YWHAZ: variants seen among roughly 807,000 people sequenced by gnomAD.
The protein encoded by YWHAZ is 14-3-3 protein zeta/delta.
For missense variants in YWHAZ, 79 were observed against 284.8 expected (o/e 0.28, Z 5.20); for synonymous variants, 87 against 103.6 (o/e 0.84, Z 0.97).
At position 100,917,936 on chromosome 8, in the gene YWHAZ, A is replaced by G. The variant is rs1171272701; in HGVS notation, c.*2757T>C. ...TATTGGGAACTACTATGTAGAAAAC[A>G]TTAGTTAATACTAGTGAAGTGTTTT... On this transcript the variant is annotated 3_prime_UTR_variant, in exon 6 of 6. Coordinates refer to ENST00000395958, the MANE Select transcript of YWHAZ (RefSeq NM_145690.3). 3 of 152,236 alleles carry G rather than the reference A, an allele frequency of 2.0e-5. No individual in the cohort carries two copies. Among genetic ancestry groups the G allele is most frequent in the East Asian group, 3.8e-4 (2 of 5,200 alleles). The allele number at this position is 152,236 out of a possible 1,614,324, so 9.4% of individuals were successfully genotyped here.
At chr8:100,951,359 G>C in intron 1 of YWHAZ, 2 of 984,688 alleles carry the variant, frequency 2.0e-6, no homozygotes, top group African/African-American at 3.5e-5. Flanking sequence ...GGGTGGGGGA[G>C]GGCCGGGTCC....
At chr8:100,920,795 TGGGG>T (rs371689979) in intron 5 of YWHAZ, 43 bp from the exon 6 acceptor site, 14 of 88,740 alleles carry the variant, frequency 1.6e-4, no homozygotes, top group Non-Finnish European at 2.2e-4. Context: ...TTCAGTGGGA[TGGGG>T]GGGGGGGGGC....
chr8:100,953,326 G>T, upstream of YWHAZ: 3 of 985,584 alleles, frequency 3.0e-6, no homozygotes, highest in Non-Finnish European at 3.6e-6. Context: ...GGTTCCAGCT[G>T]GCGGTGGGAG....
chr8:100,942,546 A>G (rs964405333), intron 2 of YWHAZ, among the ~76,000 whole-genome samples: 1 of 152,258 alleles, frequency 6.6e-6, no homozygotes, highest in African/African-American at 2.4e-5. Context: ...CCTTCAGTGT[A>G]CTTTACAAAT....
At chr8:100,921,114 CCCT>C (rs1354300448) in intron 5 of YWHAZ, among the ~76,000 whole-genome samples, 1 of 151,956 alleles carries the variant, frequency 6.6e-6, no homozygotes, top group Non-Finnish European at 1.5e-5. Context: ...GCTCAATGAA[CCCT>C]CCGCCTCCCA....
Position 100,950,525 on chromosome 8 carries a change from C to A in YWHAZ, c.-12+1404G>T, listed in dbSNP as rs953995241. ...CCAGGCTCCGCCCAAGTCGGAGCCACGGCTCAAGTCCCCGACTCTCCTCCT... is the reference window on the plus strand; with the variant it reads ...CCAGGCTCCGCCCAAGTCGGAGCCAAGGCTCAAGTCCCCGACTCTCCTCCT... On this transcript the variant is annotated intron_variant, in intron 1 of 5. Transcript: ENST00000395958. 36 of 985,638 alleles carry A rather than the reference C, an allele frequency of 3.7e-5. No homozygotes were observed. The African/African-American group carries it at 4.7e-4, about 13-fold the overall frequency. The allele number at this position is 985,638 out of a possible 1,614,324, so 61.1% of individuals were successfully genotyped here.
Position 100,948,171 on chromosome 8 carries a change from C to T in YWHAZ, c.294+425G>A, listed in dbSNP as rs1810447733. The T allele has an allele frequency of 1.3e-6, 2 of 1,523,720 alleles. No homozygotes were observed. The highest frequency in any genetic ancestry group is 1.8e-6 in the Non-Finnish European group (2 of 1,140,830). 94.4% of individuals were successfully genotyped at this position (1,523,720 alleles called of 1,614,324 possible). On this transcript the variant is annotated intron_variant, in intron 2 of 5. Coordinates refer to ENST00000395958, the MANE Select transcript of YWHAZ (RefSeq NM_145690.3). This position sits in a 1 kb window ranked among gnomAD's most constrained non-coding sequence, Gnocchi z 4.2. Reference sequence around the variant, plus strand: ...TACATTAACATTATAGCGGCTAATCCTGAGAAGAGTACTATTTCTACAATG... The same window carrying T: ...TACATTAACATTATAGCGGCTAATCTTGAGAAGAGTACTATTTCTACAATG...
At chr8:100,929,852 G>C (rs1813639666) in intron 2 of YWHAZ, among the ~76,000 whole-genome samples, 1 of 152,122 alleles carries the variant, frequency 6.6e-6, no homozygotes, top group Non-Finnish European at 1.5e-5. Context: ...GGAAGCAGCA[G>C]TTACAACAAA....
rs1813235134 is a variant in YWHAZ at position 100,924,598 on chromosome 8, C to G, written c.419-300G>C. On this transcript the variant is annotated intron_variant, in intron 3 of 5. Coordinates refer to ENST00000395958, the MANE Select transcript of YWHAZ (RefSeq NM_145690.3). This position sits in a 1 kb window ranked among gnomAD's most constrained non-coding sequence, Gnocchi z 5.7. The stretch of plus-strand genomic sequence containing the variant: ...CCTCCCACCTCAGCCTCCAGATTAG[C>G]TGGGACCAAAGGCTTGCACCACCAT... Among the ~76,000 whole-genome samples the G allele has an allele frequency of 6.6e-6, 1 of 152,168 alleles. No individual in the cohort carries two copies. The highest frequency in any genetic ancestry group is 6.5e-5 in the Admixed American group (1 of 15,270).
chr8:100,951,725 G>A (rs1810803119), intron 1 of YWHAZ: 2 of 985,334 alleles, frequency 2.0e-6, no homozygotes, highest in East Asian at 1.1e-4. Context: ...CGGAAGCAAG[G>A]AGCCGGAGGC....
At chr8:100,946,264 C>T (rs1810256793) in intron 2 of YWHAZ, among the ~76,000 whole-genome samples, 1 of 152,166 alleles carries the variant, frequency 6.6e-6, no homozygotes, top group Admixed American at 6.5e-5. Flanking sequence ...TTGGGCTGGA[C>T]GTGGTGGCTC....
In YWHAZ at chr8:100,924,018, T is replaced by G. The variant is rs763376957; in HGVS notation, c.615A>C (p.Thr205=). ...TGTCTTTGTATGACTCTTCACTTAATGTATCAAGTTCAGCAATGGCTTCAT... is the reference window on the plus strand; with the variant it reads ...TGTCTTTGTATGACTCTTCACTTAAGGTATCAAGTTCAGCAATGGCTTCAT... ...AFDEAIAELD[T]LSEESYKDST... is the part of the protein sequence containing the mutation. Residue 205 remains threonine, a synonymous_variant, in exon 5 of 6, where the codon ACA becomes ACC. Transcript: ENST00000395958. The surrounding 1 kb of genome is among the most constrained non-coding windows in gnomAD (Gnocchi z 5.7). 18 of 1,611,900 alleles carry G rather than the reference T, an allele frequency of 1.1e-5. No homozygotes were observed. In the East Asian group the frequency reaches 1.6e-4, roughly 14 times the overall value.
chr8:100,939,630 G>A (rs1376866716), intron 2 of YWHAZ, among the ~76,000 whole-genome samples: 1 of 151,956 alleles, frequency 6.6e-6, no homozygotes, highest in East Asian at 1.9e-4. Context: ...TTGCACTCCA[G>A]CCTGGGCAAC....
At chr8:100,935,120 G>T (rs1814053077) in intron 2 of YWHAZ, 2 of 152,140 alleles carry the variant, frequency 1.3e-5, no homozygotes, top group African/African-American at 4.8e-5. Flanking sequence ...TTGTGCCACT[G>T]CACTCCAATG....
intron 2 of YWHAZ, among the ~76,000 whole-genome samples, chr8:100,941,494 A>C (rs1031010000): frequency 6.6e-5 from 10 of 152,152 alleles, no homozygotes; most frequent in African/African-American, 2.4e-4. Flanking sequence ...CCACTAAAAA[A>C]CATTTCTAGG....
chr8:100,948,578 G>C lies in YWHAZ; in HGVS notation c.294+18C>G, dbSNP rs762759587. 14 of 1,608,206 alleles carry C rather than the reference G, an allele frequency of 8.7e-6. No individual in the cohort carries two copies. The highest frequency in any genetic ancestry group is 1.1e-5 in the Non-Finnish European group (13 of 1,177,800). On this transcript the variant is annotated intron_variant, in intron 2 of 5. Transcript: ENST00000395958. This position sits in a 1 kb window ranked among gnomAD's most constrained non-coding sequence, Gnocchi z 4.2. ...GGGACCCTACAGTATAATGAAGCCA[G>C]ACTGAATTGATTCTCACCAGTACAT...
chr8:100,924,839 A>T lies in YWHAZ; in HGVS notation c.418+77T>A. On this transcript the variant is annotated intron_variant, in intron 3 of 5. Transcript: ENST00000395958. This position sits in a 1 kb window ranked among gnomAD's most constrained non-coding sequence, Gnocchi z 5.7. ...CACTCTAAGCAATTCAAAACAAGAC[A>T]TTATGTACGCTTCAGAGACTCTTCC... 6.3e-7 allele frequency: 1 copy of T among 1,581,120 alleles called. No homozygotes were observed. The highest frequency in any genetic ancestry group is 8.6e-7 in the Non-Finnish European group (1 of 1,161,774).
Position 100,948,971 on chromosome 8 carries a change from G to T in YWHAZ, c.-11-71C>A. On this transcript the variant is annotated intron_variant, in intron 1 of 5. Transcript: ENST00000395958. This position sits in a 1 kb window ranked among gnomAD's most constrained non-coding sequence, Gnocchi z 4.2. ...TAAACAGACTCAAAATTATACCTGT[G>T]GTAAATGAGTTTTTTAAACCTGAAA... 6.7e-7 allele frequency: 1 copy of T among 1,485,742 alleles called. No individual in the cohort carries two copies. Among genetic ancestry groups the T allele is most frequent in the Non-Finnish European group, 8.9e-7 (1 of 1,119,528 alleles). The allele number at this position is 1,485,742 out of a possible 1,614,324, so 92.0% of individuals were successfully genotyped here.
intron 2 of YWHAZ, among the ~76,000 whole-genome samples, chr8:100,930,922 G>T (rs1813715706): frequency 6.6e-6 from 1 of 152,178 alleles, no homozygotes; most frequent in South Asian, 2.1e-4. Flanking sequence ...GCAGCAAAAT[G>T]CCACAAGAAG....
Sources: allele counts gnomAD v4.1 joint callset (sites outside exome capture counted in the v4.1 genomes callset), GRCh38; gene constraint gnomAD v4.1.1; non-coding constraint Gnocchi (gnomAD v3.1); transcripts MANE v1.5; gene names NCBI Gene and HGNC (gene_info 2026-07-23, HGNC 2026-07-21).